MDC1: variants seen among roughly 807,000 people sequenced by gnomAD.
MDC1 encodes the protein mediator of DNA damage checkpoint protein 1.
In MDC1, 81 loss-of-function variants were observed where a neutral mutation model predicts 142.5. The ratio of observed to expected loss-of-function variants is 0.57; its 90% CI spans 0.47 to 0.68. The LOEUF is 0.68. Ranked by LOEUF, MDC1 falls within the 30% of genes least tolerant of loss-of-function variation. The pLI is 0.00. For synonymous variants in MDC1, 797 were observed against 968.4 expected (o/e 0.82, Z 3.29); for missense variants, 2,119 against 2,547.9 (o/e 0.83, Z 3.62).
chr6:30,708,699 C>CA (rs1353003088), intron 7 of MDC1, among the ~76,000 whole-genome samples: 1 of 151,312 alleles, frequency 6.6e-6, no homozygotes, highest in African/African-American at 2.4e-5. Context: ...ACAAAAAATA[C>CA]AAAAAAATTA....
intron 7 of MDC1, among the ~76,000 whole-genome samples, chr6:30,710,978 A>C (rs1210245886): frequency 6.6e-6 from 1 of 152,194 alleles, no homozygotes; most frequent in Non-Finnish European, 1.5e-5. Flanking sequence ...CAGTCCCTAA[A>C]TATTTTCAAC....
In MDC1 at chr6:30,712,638, A is replaced by G; in HGVS notation, c.1304T>C (p.Met435Thr). ...AIWNRDAEEDMPQRVVLLQRS... is the reference protein window; with the variant it reads ...AIWNRDAEEDTPQRVVLLQRS... ...CTGCAGAAGGACCACACGTTGGGGC[A>G]TGTCCTCTTCTGCATCTCTGTTCCA... is the stretch of plus-strand genomic sequence containing the variant. Residue 435 changes from methionine (M) to threonine (T), a missense_variant, in exon 5 of 15, where the codon ATG becomes ACG. Coordinates refer to ENST00000376406, the MANE Select transcript of MDC1 (RefSeq NM_014641.3). The surrounding 1 kb of genome is among the most constrained non-coding windows in gnomAD (Gnocchi z 4.7). 1 of 1,612,834 alleles carries G rather than the reference A, an allele frequency of 6.2e-7. No homozygotes were observed. The highest frequency in any genetic ancestry group is 8.5e-7 in the Non-Finnish European group (1 of 1,179,916).
At chr6:30,707,137 TG>T (rs1270680398) in intron 9 of MDC1, among the ~76,000 whole-genome samples, 1 of 152,106 alleles carries the variant, frequency 6.6e-6, no homozygotes, top group Non-Finnish European at 1.5e-5. Flanking sequence ...AAAGGATGGC[TG>T]GGGCAAAGAA....
chr6:30,704,838 C>T lies in MDC1; in HGVS notation c.4345G>A (p.Val1449Ile). The T allele has an allele frequency of 1.2e-6, 2 of 1,609,480 alleles. No homozygotes were observed. Among genetic ancestry groups the T allele is most frequent in the Non-Finnish European group, 1.7e-6 (2 of 1,178,070 alleles). The change falls in exon 10 of 15, where the codon GTC becomes ATC. Residue 1449 changes from valine to isoleucine, a missense_variant. Transcript: ENST00000376406. ...GGCTGGAGCTCAGGGGCTGTGGGGACAACTGTTTCAGGGGTCTTCACAGAG... is the reference window on the plus strand; with the variant it reads ...GGCTGGAGCTCAGGGGCTGTGGGGATAACTGTTTCAGGGGTCTTCACAGAG... ...RSSVKTPETV[V>I]PTAPELQPST...
chr6:30,706,620 T>C lies in MDC1; in HGVS notation c.3085-522A>G, dbSNP rs557632889. 1.6e-3 allele frequency among the ~76,000 whole-genome samples: 70 copies of C among 42,806 alleles called. 2 individuals are homozygous for C. Among genetic ancestry groups the C allele is most frequent in the African/African-American group, 2.5e-3 (22 of 8,942 alleles). 28.1% of individuals were successfully genotyped at this position (42,806 alleles called of 152,430 possible). ...CTGGGGGACAGAGCAAGACTCTGTC[T>C]AAAAAAAAAAAAAAAAAAAAAAAAA... is the stretch of plus-strand genomic sequence containing the variant. On this transcript the variant is annotated intron_variant, in intron 9 of 14. Transcript: ENST00000376406.
chr6:30,703,560 T>A lies in MDC1; in HGVS notation c.5563-23A>T, dbSNP rs1252120656. ...ATCCTGAGATTGAGAAAAATCTTGG[T>A]GGGAGTTTCAGAGCCCTGAAGTCAT... is the stretch of plus-strand genomic sequence containing the variant. On this transcript the variant is annotated intron_variant, in intron 10 of 14. Coordinates refer to ENST00000376406, the MANE Select transcript of MDC1 (RefSeq NM_014641.3). This position sits in a 1 kb window ranked among gnomAD's most constrained non-coding sequence, Gnocchi z 4.4. 1 of 1,612,862 alleles carries A rather than the reference T, an allele frequency of 6.2e-7. No individual in the cohort carries two copies. Among genetic ancestry groups the A allele is most frequent in the African/African-American group, 1.3e-5 (1 of 74,922 alleles).
In MDC1 at chr6:30,711,870, T is replaced by C; in HGVS notation, c.2068+4A>G. On this transcript the variant is annotated splice_donor_region_variant and intron_variant, in intron 5 of 14. Coordinates refer to ENST00000376406, the MANE Select transcript of MDC1 (RefSeq NM_014641.3). ...GAGGTCTAGGAAGGAAGGCCAGCAC[T>C]TACCACCATAGTTGTCTTCAGAGTC... The C allele has an allele frequency of 1.3e-6, 2 of 1,535,110 alleles. No homozygotes were observed. Among genetic ancestry groups the C allele is most frequent in the South Asian group, 2.6e-5 (2 of 77,908 alleles).
In MDC1 at chr6:30,707,746, C is replaced by T; in HGVS notation, c.2833G>A (p.Asp945Asn). The T allele has an allele frequency of 6.2e-7, 1 of 1,613,084 alleles. No homozygotes were observed. Among genetic ancestry groups the T allele is most frequent in the Non-Finnish European group, 8.5e-7 (1 of 1,180,032 alleles). The change falls in exon 8 of 15, where the codon GAT becomes AAT. Residue 945 changes from aspartate to asparagine, a missense_variant. Asp to Asn is a conservative substitution (Grantham distance 23, BLOSUM62 1). Coordinates refer to ENST00000376406, the MANE Select transcript of MDC1 (RefSeq NM_014641.3). Reference protein sequence around the residue: ...EKVPKVILERDTQRGEPEGGS... With the variant: ...EKVPKVILERNTQRGEPEGGS... ...CCCTCTGGCTCCCCTCTCTGTGTAT[C>T]TCTCTCCAGGATCACTTTGGGCACC...
rs368708770 is a variant in MDC1, at chr6:30,703,751, C to G, written c.5432G>C (p.Arg1811Pro). The G allele has an allele frequency of 6.5e-7, 1 of 1,547,480 alleles. No homozygotes were observed. Among genetic ancestry groups the G allele is most frequent in the Non-Finnish European group, 8.7e-7 (1 of 1,151,128 alleles). The change falls in exon 10 of 15, where the codon CGC (arginine) becomes CCC (proline). Residue 1811 changes from arginine to proline, a missense_variant. Physicochemically the swap from Arg to Pro is moderately radical, Grantham distance 103. Transcript: ENST00000376406. The surrounding 1 kb of genome is among the most constrained non-coding windows in gnomAD (Gnocchi z 4.4). ...PELQPKASQSRKRSLATMDSP... is the reference protein window; with the variant it reads ...PELQPKASQSPKRSLATMDSP... Reference sequence around the variant, plus strand: ...ATCCATGGTAGCTAAAGACCTCTTGCGGCTTTGAGAGGCCTTAGGCTGGAG... The same window carrying G: ...ATCCATGGTAGCTAAAGACCTCTTGGGGCTTTGAGAGGCCTTAGGCTGGAG...
At position 30,704,271 on chromosome 6, in the gene MDC1, T is replaced by G; in HGVS notation, c.4912A>C (p.Thr1638Pro). ...GAGGACCTATTTGTCTTTCTCCTAG[T>G]GGCCCTAGATGTGAGCTTGGGGGTG... ...PVTPKLTSRA[T>P]RRKTNRSSVK... The change falls in exon 10 of 15, where the codon ACT becomes CCT. Residue 1638 changes from threonine to proline, a missense_variant. Transcript: ENST00000376406. The G allele has an allele frequency of 6.2e-7, 1 of 1,613,330 alleles. No homozygotes were observed. Among genetic ancestry groups the G allele is most frequent in the Non-Finnish European group, 8.5e-7 (1 of 1,179,592 alleles).
chr6:30,706,131 A>G, intron 9 of MDC1, 33 bp from the exon 10 acceptor site: 1 of 1,501,006 alleles, frequency 6.7e-7, no homozygotes, highest in Non-Finnish European at 8.9e-7. Context: ...GAGGGGGAGG[A>G]GGTGGAGAAA....
At chr6:30,708,391 G>T in intron 7 of MDC1, 34 bp from the exon 8 acceptor site, 1 of 1,562,226 alleles carries the variant, frequency 6.4e-7, no homozygotes, top group Non-Finnish European at 8.7e-7. Flanking sequence ...GAGAGAGGGA[G>T]AGGGAGAGAA....
rs1773220109 is a variant in MDC1, at chr6:30,703,845, C to T, written c.5338G>A (p.Glu1780Lys). 24 of 1,613,054 alleles carry T rather than the reference C, an allele frequency of 1.5e-5. No homozygotes were observed. The highest frequency in any genetic ancestry group is 1.9e-5 in the Non-Finnish European group (23 of 1,179,510). Residue 1780 changes from glutamate to lysine, a missense_variant, in exon 10 of 15, where the codon GAG becomes AAG. Glu to Lys is a moderately conservative substitution (Grantham distance 56). Coordinates refer to ENST00000376406, the MANE Select transcript of MDC1 (RefSeq NM_014641.3). This position sits in a 1 kb window ranked among gnomAD's most constrained non-coding sequence, Gnocchi z 4.4. ...IPEPASPQLLETPIHASQIQK... is the reference protein window; with the variant it reads ...IPEPASPQLLKTPIHASQIQK... ...ATCTGGGAGGCATGAATTGGTGTCT[C>T]AAGAAGCTGGGGAGAGGCAGGCTCA...
At chr6:30,706,222 C>T (rs1432221504) in intron 9 of MDC1, 124 bp from the exon 10 acceptor site, 2 of 843,870 alleles carry the variant, frequency 2.4e-6, no homozygotes, top group African/African-American at 1.7e-5. Context: ...CGTGGTGGCT[C>T]ACGGCTATAA....
At position 30,716,116 on chromosome 6, in the gene MDC1, T is replaced by C. The variant is rs1000280636; in HGVS notation, c.-3-938A>G. ...TCCCCAGTCTTCGAACACACTGTTC[T>C]TGTCTTCCCACATCTTCATGCCTTA... is the stretch of plus-strand genomic sequence containing the variant. On this transcript the variant is annotated intron_variant, in intron 1 of 14. Coordinates refer to ENST00000376406, the MANE Select transcript of MDC1 (RefSeq NM_014641.3). This position sits in a 1 kb window ranked among gnomAD's most constrained non-coding sequence, Gnocchi z 4.4. 1.3e-5 allele frequency among the ~76,000 whole-genome samples: 2 copies of C among 152,242 alleles called. No homozygotes were observed. The highest frequency in any genetic ancestry group is 1.5e-5 in the Non-Finnish European group (1 of 68,048).
intron 2 of MDC1, among the ~76,000 whole-genome samples, chr6:30,714,770 C>T (rs371930229): frequency 2.0e-5 from 3 of 152,104 alleles, no homozygotes; most frequent in African/African-American, 7.2e-5. Context: ...TCTGCCTTGG[C>T]CTCTCAAAGC....
chr6:30,715,482 G>T lies in MDC1; in HGVS notation c.-3-304C>A, dbSNP rs1400458192. 6.6e-6 allele frequency among the ~76,000 whole-genome samples: 1 copy of T among 152,122 alleles called. No homozygotes were observed. Among genetic ancestry groups the T allele is most frequent in the African/African-American group, 2.4e-5 (1 of 41,426 alleles). On this transcript the variant is annotated intron_variant, in intron 1 of 14. Transcript: ENST00000376406. The surrounding 1 kb of genome is among the most constrained non-coding windows in gnomAD (Gnocchi z 4.1). ...GCCTCCCAAGTAGCTGAGATTACAG[G>T]CACCTGCCACCATGCCTGGCTAATT...
In MDC1 at chr6:30,703,364, T is replaced by A; in HGVS notation, c.5682+54A>T. ...ATCTCTACAATCCTCTAGGTCTCCT[T>A]GCATCCTCCCCTCATCTCTGTCTCC... On this transcript the variant is annotated intron_variant, in intron 11 of 14. Transcript: ENST00000376406. This position sits in a 1 kb window ranked among gnomAD's most constrained non-coding sequence, Gnocchi z 4.4. The A allele has an allele frequency of 6.2e-7, 1 of 1,613,096 alleles. No individual in the cohort carries two copies. Among genetic ancestry groups the A allele is most frequent in the Non-Finnish European group, 8.5e-7 (1 of 1,179,850 alleles).
At chr6:30,711,798 T>C (rs954574682) in intron 5 of MDC1, 72 bp from the exon 6 acceptor site, 5 of 1,570,920 alleles carry the variant, frequency 3.2e-6, no homozygotes, top group Non-Finnish European at 4.3e-6. Flanking sequence ...AAATAATCTC[T>C]ACCTTTCTCT....
Sources: allele counts gnomAD v4.1 joint callset (sites outside exome capture counted in the v4.1 genomes callset), GRCh38; gene constraint gnomAD v4.1.1; non-coding constraint Gnocchi (gnomAD v3.1); transcripts MANE v1.5; gene names NCBI Gene and HGNC (gene_info 2026-07-23, HGNC 2026-07-21).